Variants in TUSC3 observed in about 807,000 individuals in gnomAD.
The protein encoded by TUSC3 is dolichyl-diphosphooligosaccharide--protein glycosyltransferase subunit TUSC3.
In TUSC3, 45 loss-of-function variants were observed where a neutral mutation model predicts 44.8. The observed-to-expected ratio is 1.00, with a 90% CI of 0.79 to 1.29. The LOEUF is 1.29. TUSC3 is among the 50% of genes most tolerant of loss of function. TUSC3 has a pLI of 0.00. For synonymous variants in TUSC3, 212 were observed against 152.9 expected, an observed-to-expected ratio of 1.39 and a Z score of -2.85; for missense variants, 519 against 437.9, an observed-to-expected ratio of 1.19 and a Z score of -1.65.
At chr8:15,811,923 C>G in the TUSC3 span, among the ~76,000 whole-genome samples, 1 of 150,724 alleles carries the variant, frequency 6.6e-6, no homozygotes, top group Admixed American at 6.6e-5. Context: ...GAAAAAAAAA[C>G]AGTAATAAGT....
intron 1 of TUSC3, among the ~76,000 whole-genome samples, chr8:15,460,224 G>C (rs997040636): frequency 6.6e-6 from 1 of 151,932 alleles, no homozygotes; most frequent in African/African-American, 2.4e-5. Context: ...TTTTGATTAT[G>C]GCCATTCTTG....
the TUSC3 span, among the ~76,000 whole-genome samples, chr8:15,779,990 T>A: frequency 1.3e-5 from 2 of 152,202 alleles, no homozygotes; most frequent in Non-Finnish European, 2.9e-5. Flanking sequence ...TTCTGGAAAG[T>A]GAAACATAAT....
the TUSC3 span, among the ~76,000 whole-genome samples, chr8:15,795,412 G>T: frequency 3.9e-5 from 6 of 152,140 alleles, no homozygotes; most frequent in Admixed American, 3.3e-4. Flanking sequence ...GACAAATTTT[G>T]TATCACCATT....
rs150434929 is a variant in TUSC3, at chr8:15,444,948, G to A, written n.91+27643G>A. Among the ~76,000 whole-genome samples, 392 of 152,200 alleles carry A rather than the reference G, an allele frequency of 2.6e-3. 2 individuals are homozygous for A. The East Asian group carries it at 0.042, about 16-fold the overall frequency. ...AGAGCGCTGGTGCTGTGCACTCTAC[G>A]AACTTCAGATGCAGGAGAAGGACAA... On this transcript the variant is annotated intron_variant and non_coding_transcript_variant, in intron 1 of 5. Transcript: ENST00000503191.
At chr8:15,522,752 G>A (rs1020858507) in intron 2 of TUSC3, among the ~76,000 whole-genome samples, 21 of 152,056 alleles carry the variant, frequency 1.4e-4, no homozygotes, top group African/African-American at 5.1e-4. Context: ...GCTTCACTCA[G>A]GGCTTTTGTG....
downstream of TUSC3, among the ~76,000 whole-genome samples, chr8:15,768,023 C>T (rs895130303): frequency 2.6e-5 from 4 of 152,130 alleles, no homozygotes; most frequent in South Asian, 8.3e-4. Context: ...TCACATCTTG[C>T]TGATATTAAT....
Position 15,765,329 on chromosome 8 carries a change from GTTC to G in TUSC3, c.*1179_*1181del, listed in dbSNP as rs1186866113. On this transcript the variant is annotated 3_prime_UTR_variant, in exon 11 of 11. Coordinates refer to ENST00000503731, the MANE Select transcript of TUSC3 (RefSeq NM_006765.4). The stretch of plus-strand genomic sequence containing the variant: ...AAATTAATTAGGGTTTAGGAAAGCA[GTTC>G]TTCTTGAGTCAGTTCAATAAGTGTT... 1 of 152,000 alleles carries G rather than the reference GTTC, an allele frequency of 6.6e-6. No individual in the cohort carries two copies. Among genetic ancestry groups the G allele is most frequent in the Non-Finnish European group, 1.5e-5 (1 of 67,928 alleles). 9.4% of individuals were successfully genotyped at this position (152,000 alleles called of 1,614,324 possible). A position where few individuals can be genotyped will look rare whatever the true frequency, so the allele number is the denominator to read the frequency against.
At chr8:15,516,733 C>T (rs901967709) in intron 2 of TUSC3, among the ~76,000 whole-genome samples, 3 of 152,002 alleles carry the variant, frequency 2.0e-5, no homozygotes, top group African/African-American at 7.2e-5. Flanking sequence ...TATAAAAGGT[C>T]ATTTACTACT....
the TUSC3 span, among the ~76,000 whole-genome samples, chr8:15,813,387 A>G: frequency 3.7e-5 from 1 of 27,394 alleles, no homozygotes; most frequent in African/African-American, 1.8e-4. Context: ...CAAACAAACA[A>G]ACAAAAAAAA....
chr8:15,814,944 T>G, the TUSC3 span, among the ~76,000 whole-genome samples: 299 of 152,268 alleles, frequency 2.0e-3, 3 homozygotes, highest in African/African-American at 6.8e-3. Context: ...ATAAAACATG[T>G]TGGCTACAAC....
chr8:15,732,015 T>G (rs1810744105), intron 7 of TUSC3, among the ~76,000 whole-genome samples: 1 of 152,154 alleles, frequency 6.6e-6, no homozygotes, highest in Non-Finnish European at 1.5e-5. Flanking sequence ...AAAATCAGGA[T>G]TAGCAATACT....
intron 1 of TUSC3, among the ~76,000 whole-genome samples, chr8:15,554,005 C>T (rs961450620): frequency 5.3e-5 from 8 of 151,548 alleles, no homozygotes; most frequent in Non-Finnish European, 1.0e-4. Flanking sequence ...TTTTTTCTCA[C>T]AGTTATGGGA....
intron 3 of TUSC3, among the ~76,000 whole-genome samples, chr8:15,658,421 T>C (rs747131331): frequency 2.0e-5 from 3 of 152,112 alleles, no homozygotes; most frequent in South Asian, 2.1e-4. Context: ...TTAAACTTTG[T>C]TGTTATGGGC....
intron 1 of TUSC3, among the ~76,000 whole-genome samples, chr8:15,588,531 C>G (rs1454650755): frequency 6.6e-6 from 1 of 152,004 alleles, no homozygotes; most frequent in African/African-American, 2.4e-5. Flanking sequence ...CTGTTGTTTC[C>G]TTTGCTGTTC....
chr8:15,464,634 G>T (rs141394891), intron 1 of TUSC3, among the ~76,000 whole-genome samples: 2 of 152,098 alleles, frequency 1.3e-5, no homozygotes, highest in African/African-American at 2.4e-5. Context: ...CAGTATATCA[G>T]TTAGCTTTAA....
chr8:15,437,894 A>C (rs1271532122), intron 1 of TUSC3, among the ~76,000 whole-genome samples: 1 of 152,196 alleles, frequency 6.6e-6, no homozygotes, highest in African/African-American at 2.4e-5. Context: ...CCCTGTTGAG[A>C]TAACAGGATA....
intron 1 of TUSC3, among the ~76,000 whole-genome samples, chr8:15,565,810 G>A (rs1802647277): frequency 6.6e-6 from 1 of 152,104 alleles, no homozygotes. Flanking sequence ...GCGGATGGCA[G>A]AGCAGCCATC....
chr8:15,482,504 C>A (rs1800675915), intron 1 of TUSC3, among the ~76,000 whole-genome samples: 1 of 152,174 alleles, frequency 6.6e-6, no homozygotes, highest in African/African-American at 2.4e-5. Context: ...AGACCTGCTG[C>A]TTAGAAAAGA....
chr8:15,823,317 C>T, the TUSC3 span, among the ~76,000 whole-genome samples: 1 of 152,116 alleles, frequency 6.6e-6, no homozygotes, highest in South Asian at 2.1e-4. Context: ...TTTTATTAAG[C>T]AGCCATAACC....
Sources: allele counts gnomAD v4.1 joint callset (sites outside exome capture counted in the v4.1 genomes callset), GRCh38; gene constraint gnomAD v4.1.1; transcripts MANE v1.5; gene names NCBI Gene and HGNC (gene_info 2026-07-23, HGNC 2026-07-21).